The following TMEM178B variants were observed in gnomAD, a reference collection of about 807,000 sequenced individuals.
The protein encoded by TMEM178B is transmembrane protein 178B.
Under a neutral mutation model 31.0 loss-of-function variants are expected in TMEM178B, and 5 were observed. The ratio of observed to expected loss-of-function variants is 0.16; its 90% CI spans 0.08 to 0.34. The LOEUF (loss-of-function observed/expected upper bound fraction) is 0.34, where lower values mean the gene tolerates loss of function less well. Among genes scored for constraint, TMEM178B ranks in the 10% least tolerant of loss-of-function variants. The probability of loss-of-function intolerance (pLI) is 1.00; values close to 1 mark genes in which losing one functional copy is unlikely to be tolerated. For synonymous variants in TMEM178B, 164 were observed against 164.0 expected, an observed-to-expected ratio of 1.00 and a Z score of 0.00; for missense variants, 275 against 400.3, an observed-to-expected ratio of 0.69 and a Z score of 2.67.
rs753880148 is a variant in TMEM178B, at chr7:141,148,318, A to G, written c.383-64273A>G. Among the ~76,000 whole-genome samples the G allele has an allele frequency of 2.1e-4, 32 of 152,352 alleles. No homozygotes were observed. In the South Asian group the frequency reaches 3.9e-3, roughly 19 times the overall value. ...CACAGACCCTCAGCCATGCAAGGTAACATACTCACAGGTTCCAGCGATTAG... is the reference window on the plus strand; with the variant it reads ...CACAGACCCTCAGCCATGCAAGGTAGCATACTCACAGGTTCCAGCGATTAG... On this transcript the variant is annotated intron_variant, in intron 1 of 3. Transcript: ENST00000565468.
chr7:141,496,839 T>G, the TMEM178B span, among the ~76,000 whole-genome samples: 1 of 152,130 alleles, frequency 6.6e-6, no homozygotes, highest in Non-Finnish European at 1.5e-5. Flanking sequence ...GTTGAGTCTC[T>G]GTGTTTGACC....
At chr7:141,352,223 G>A (rs1207701023) in intron 2 of TMEM178B, 1 of 152,450 alleles carries the variant, frequency 6.6e-6, no homozygotes, top group East Asian at 1.9e-4. Context: ...GAAATGCAAT[G>A]GAGAAGGGAC....
Position 141,187,791 on chromosome 7 carries a change from T to G in TMEM178B, c.383-24800T>G, listed in dbSNP as rs568454530. Among the ~76,000 whole-genome samples, 3 of 152,254 alleles carry G rather than the reference T, an allele frequency of 2.0e-5. No homozygotes were observed. The East Asian group carries it at 5.8e-4, about 29-fold the overall frequency. On this transcript the variant is annotated intron_variant, in intron 1 of 3. Transcript: ENST00000565468. ...TTCGCCCACTTTTTGATGGGGTTGT[T>G]TGTTTTTTTCTTGTAAATTTGTTTG...
At chr7:141,125,207 G>GACATTAACA (rs1795471022) in intron 1 of TMEM178B, among the ~76,000 whole-genome samples, 1 of 152,172 alleles carries the variant, frequency 6.6e-6, no homozygotes, top group Admixed American at 6.5e-5. Flanking sequence ...GGAGTGTTAA[G>GACATTAACA]ACATTAACAA....
intron 2 of TMEM178B, among the ~76,000 whole-genome samples, chr7:141,295,268 C>T (rs1323194348): frequency 1.3e-5 from 2 of 152,136 alleles, no homozygotes; most frequent in Non-Finnish European, 2.9e-5. Flanking sequence ...ATCTTGTGCC[C>T]TCCACCATGG....
chr7:141,214,364 A>G (rs904554843), intron 2 of TMEM178B, among the ~76,000 whole-genome samples: 1 of 152,208 alleles, frequency 6.6e-6, no homozygotes, highest in African/African-American at 2.4e-5. Flanking sequence ...GCCAGTGAAT[A>G]CCGAGGCCAC....
At chr7:141,130,619 C>A (rs1209813759) in intron 1 of TMEM178B, among the ~76,000 whole-genome samples, 2 of 152,022 alleles carry the variant, frequency 1.3e-5, no homozygotes, top group African/African-American at 4.8e-5. Flanking sequence ...ATGAATGAAA[C>A]TTTTATGAAT....
In TMEM178B at chr7:141,074,271, G is replaced by C. The variant is rs1794558391; in HGVS notation, c.-40G>C. Reference sequence around the variant, plus strand: ...GGGTGCGGCGAGGGAAGGCGAGGCTGCGGCGGATCATGCCCATGGTGTAGC... The same window carrying C: ...GGGTGCGGCGAGGGAAGGCGAGGCTCCGGCGGATCATGCCCATGGTGTAGC... On this transcript the variant is annotated 5_prime_UTR_variant, in exon 1 of 4. Transcript: ENST00000565468. This position sits in a 1 kb window ranked among gnomAD's most constrained non-coding sequence, Gnocchi z 5.1. 1.1e-5 allele frequency: 16 copies of C among 1,464,008 alleles called. No homozygotes were observed. The highest frequency in any genetic ancestry group is 1.4e-5 in the Non-Finnish European group (16 of 1,109,472). The allele number at this position is 1,464,008 out of a possible 1,614,324, so 90.7% of individuals were successfully genotyped here.
intron 1 of TMEM178B, among the ~76,000 whole-genome samples, chr7:141,149,761 A>C (rs1217366369): frequency 6.6e-6 from 1 of 152,228 alleles, no homozygotes; most frequent in Admixed American, 6.5e-5. Flanking sequence ...CACCACCAGA[A>C]GCTGGGAAGA....
At chr7:141,415,655 A>G (rs950386476) in intron 2 of TMEM178B, among the ~76,000 whole-genome samples, 1 of 152,236 alleles carries the variant, frequency 6.6e-6, no homozygotes, top group African/African-American at 2.4e-5. Context: ...ATCCAGGGAC[A>G]AAAAGGAATG....
intron 3 of TMEM178B, among the ~76,000 whole-genome samples, chr7:141,450,641 C>G (rs181615285): frequency 2.6e-5 from 4 of 152,188 alleles, no homozygotes; most frequent in Admixed American, 6.5e-5. Context: ...GTTCACAGAG[C>G]TTTAAAGGGA....
At chr7:141,383,653 A>G (rs1800372323) in intron 2 of TMEM178B, among the ~76,000 whole-genome samples, 1 of 152,108 alleles carries the variant, frequency 6.6e-6, no homozygotes, top group Non-Finnish European at 1.5e-5. Context: ...AGTCTTTGCT[A>G]TTGTGAATAG....
rs527726659 is a variant in TMEM178B, at chr7:141,397,534, G to A, written c.497-40074G>A. 2.6e-5 allele frequency among the ~76,000 whole-genome samples: 4 copies of A among 152,222 alleles called. No individual in the cohort carries two copies. In the East Asian group the frequency reaches 7.7e-4, roughly 29 times the overall value. ...GAACTTGGAACACATTTTCTGATAG[G>A]CATCATGCTATGAATGGCAGACAGG... On this transcript the variant is annotated intron_variant, in intron 2 of 3. Transcript: ENST00000565468.
intron 2 of TMEM178B, among the ~76,000 whole-genome samples, chr7:141,321,107 C>A (rs7788314): frequency 6.6e-5 from 10 of 152,124 alleles, no homozygotes; most frequent in Non-Finnish European, 1.2e-4. Context: ...TGTGTGACTC[C>A]CCTCTATTGA....
intron 1 of TMEM178B, among the ~76,000 whole-genome samples, chr7:141,127,634 A>T (rs550803888): frequency 6.6e-6 from 1 of 152,188 alleles, no homozygotes; most frequent in Non-Finnish European, 1.5e-5. Flanking sequence ...AGTTCTGCAG[A>T]CACCTTGATT....
chr7:141,404,906 A>G (rs1234504002), intron 2 of TMEM178B, among the ~76,000 whole-genome samples: 1 of 152,036 alleles, frequency 6.6e-6, no homozygotes, highest in Non-Finnish European at 1.5e-5. Flanking sequence ...GCTCTGAACA[A>G]CCCTCTGACC....
intron 3 of TMEM178B, among the ~76,000 whole-genome samples, chr7:141,464,778 C>T (rs1408794799): frequency 6.6e-6 from 1 of 152,172 alleles, no homozygotes; most frequent in South Asian, 2.1e-4. Flanking sequence ...GCCACCAATG[C>T]CCCCTCCCCA....
At chr7:141,397,612 G>A (rs531692062) in intron 2 of TMEM178B, among the ~76,000 whole-genome samples, 1 of 152,302 alleles carries the variant, frequency 6.6e-6, no homozygotes, top group Admixed American at 6.5e-5. Context: ...TGAGCTGGGA[G>A]TTAGGAGCCC....
chr7:141,430,009 C>T (rs1339278370), intron 2 of TMEM178B: 1 of 152,238 alleles, frequency 6.6e-6, no homozygotes, highest in African/African-American at 2.4e-5. Context: ...CAGATCAGTG[C>T]AGTGCTTACT....
Sources: gnomAD v4.1 joint callset for allele counts (sites outside exome capture counted in the v4.1 genomes callset) on GRCh38, gnomAD v4.1.1 for gene constraint, Gnocchi (gnomAD v3.1) non-coding constraint, MANE v1.5 for transcripts, NCBI Gene and HGNC (gene_info 2026-07-23, HGNC 2026-07-21) for gene names.